PRKCE: variants seen among roughly 807,000 people sequenced by gnomAD.
PRKCE encodes protein kinase C epsilon type.
A neutral mutation model predicts 85.4 loss-of-function variants in PRKCE; 16 were observed. The observed-to-expected ratio is 0.19, with a 90% CI of 0.13 to 0.28. The LOEUF is 0.28. Among genes scored for constraint, PRKCE ranks in the 10% least tolerant of loss-of-function variants. PRKCE has a pLI of 1.00. For missense variants in PRKCE, 573 were observed against 975.2 expected, an observed-to-expected ratio of 0.59 and a Z score of 5.49; for synonymous variants, 388 against 371.5, an observed-to-expected ratio of 1.04 and a Z score of -0.51.
At chr2:45,804,372 C>T (rs917946684) in intron 1 of PRKCE, among the ~76,000 whole-genome samples, 1 of 152,154 alleles carries the variant, frequency 6.6e-6, no homozygotes, top group Non-Finnish European at 1.5e-5. Flanking sequence ...TCCCTACCGA[C>T]CTGAATTCCA....
intron 10 of PRKCE, among the ~76,000 whole-genome samples, chr2:46,085,375 G>A (rs370193672): frequency 7.2e-5 from 11 of 152,340 alleles, no homozygotes; most frequent in African/African-American, 2.4e-4. Context: ...TCCTGGGACT[G>A]CCTCAACAAA....
chr2:45,812,745 G>A (rs762412474), intron 1 of PRKCE, among the ~76,000 whole-genome samples: 16 of 152,282 alleles, frequency 1.1e-4, no homozygotes, highest in South Asian at 2.1e-4. Flanking sequence ...TAAAGCACCC[G>A]GCAGGGACTG....
intron 1 of PRKCE, among the ~76,000 whole-genome samples, chr2:45,731,885 A>G (rs2104555147): frequency 6.6e-6 from 1 of 152,202 alleles, no homozygotes; most frequent in South Asian, 2.1e-4. Context: ...GTTTACAGAC[A>G]TGAACCAGTG....
chr2:46,031,165 G>A (rs991672738), intron 10 of PRKCE, among the ~76,000 whole-genome samples: 3 of 152,260 alleles, frequency 2.0e-5, no homozygotes, highest in East Asian at 1.9e-4. Context: ...ACAAATAAAC[G>A]AAAAGAACTT....
chr2:46,096,908 A>G (rs1670740985), intron 11 of PRKCE, among the ~76,000 whole-genome samples: 2 of 152,200 alleles, frequency 1.3e-5, no homozygotes, highest in Admixed American at 1.3e-4. Context: ...CGGACTTGGC[A>G]TAAATTGTAA....
intron 5 of PRKCE, among the ~76,000 whole-genome samples, chr2:45,983,624 A>C (rs7594827): frequency 0.32 from 48,100 of 152,010 alleles, 7,940 homozygotes; most frequent in South Asian, 0.5. Flanking sequence ...AGGGTATGAT[A>C]GTGCTGTGCC....
chr2:46,097,057 T>C (rs571307101), intron 11 of PRKCE, among the ~76,000 whole-genome samples: 23 of 152,164 alleles, frequency 1.5e-4, no homozygotes, highest in Non-Finnish European at 2.9e-4. Context: ...TTGGTGGATA[T>C]GTGAGTCTGT....
intron 2 of PRKCE, among the ~76,000 whole-genome samples, chr2:45,966,317 C>A (rs941169266): frequency 6.6e-6 from 1 of 152,170 alleles, no homozygotes; most frequent in East Asian, 1.9e-4. Flanking sequence ...GAGATACTAT[C>A]TCGCACGTGT....
At chr2:45,810,608 G>A (rs116288360) in intron 1 of PRKCE, among the ~76,000 whole-genome samples, 4,553 of 152,050 alleles carry the variant, frequency 0.03, 106 homozygotes, top group Middle Eastern at 0.17. Context: ...GGGGAGGACA[G>A]GGTCTCACCC....
intron 11 of PRKCE, among the ~76,000 whole-genome samples, chr2:46,094,009 A>C (rs1035163838): frequency 1.3e-5 from 2 of 151,996 alleles, no homozygotes; most frequent in African/African-American, 2.4e-5. Context: ...TTTGTTTTCT[A>C]TGTAATTATT....
intron 2 of PRKCE, among the ~76,000 whole-genome samples, chr2:45,844,046 A>G (rs1691578242): frequency 6.6e-6 from 1 of 152,212 alleles, no homozygotes; most frequent in Non-Finnish European, 1.5e-5. Flanking sequence ...TCACAAGCTC[A>G]AAGTCACAAT....
intron 10 of PRKCE, among the ~76,000 whole-genome samples, chr2:46,085,400 G>A (rs916851122): frequency 6.6e-6 from 1 of 152,130 alleles, no homozygotes; most frequent in Non-Finnish European, 1.5e-5. Flanking sequence ...TGCAAACTTG[G>A]TGCCTTAAAA....
chr2:45,725,195 G>C (rs1558599876), intron 1 of PRKCE, among the ~76,000 whole-genome samples: 1 of 152,184 alleles, frequency 6.6e-6, no homozygotes, highest in Non-Finnish European at 1.5e-5. Flanking sequence ...TCTGTCAATG[G>C]AATAACAAAG....
At chr2:46,064,647 C>G (rs1245488846) in intron 10 of PRKCE, among the ~76,000 whole-genome samples, 1 of 152,180 alleles carries the variant, frequency 6.6e-6, no homozygotes, top group Admixed American at 6.5e-5. Context: ...ATTTTCTAAG[C>G]ATAGTTAGAC....
chr2:45,990,095 G>A (rs1202336778), intron 6 of PRKCE, among the ~76,000 whole-genome samples: 2 of 152,170 alleles, frequency 1.3e-5, no homozygotes, highest in Admixed American at 6.5e-5. Flanking sequence ...CAGAGTTTCC[G>A]CTGGTCAGAA....
intron 1 of PRKCE, among the ~76,000 whole-genome samples, chr2:45,783,538 T>C (rs1686361810): frequency 6.6e-6 from 1 of 152,232 alleles, no homozygotes; most frequent in Admixed American, 6.5e-5. Flanking sequence ...AATCTACTTC[T>C]ATCTGCAGGT....
chr2:45,960,170 G>C (rs765795708), intron 2 of PRKCE, among the ~76,000 whole-genome samples: 3 of 152,172 alleles, frequency 2.0e-5, no homozygotes, highest in Non-Finnish European at 4.4e-5. Context: ...TTTTTAATGT[G>C]TGTGGTATGG....
chr2:46,132,893 T>C (rs1342191997), intron 11 of PRKCE, among the ~76,000 whole-genome samples: 4 of 152,226 alleles, frequency 2.6e-5, no homozygotes, highest in Non-Finnish European at 5.9e-5. Flanking sequence ...GCCTCTGATA[T>C]CCTCCAAGTA....
chr2:45,893,248 A>G (rs780574011), intron 2 of PRKCE, among the ~76,000 whole-genome samples: 65 of 152,106 alleles, frequency 4.3e-4, no homozygotes, highest in Middle Eastern at 3.2e-3. Flanking sequence ...ACCTGTGAAA[A>G]TGACTGCAGT....
Sources: allele counts gnomAD v4.1 joint callset (sites outside exome capture counted in the v4.1 genomes callset), GRCh38; gene constraint gnomAD v4.1.1; transcripts MANE v1.5; gene names NCBI Gene and HGNC (gene_info 2026-07-23, HGNC 2026-07-21).